SNTG1: variants seen among roughly 807,000 people sequenced by gnomAD.
SNTG1 encodes syntrophin gamma 1.
A neutral mutation model predicts 74.7 loss-of-function variants in SNTG1; 39 were observed. That is an observed-to-expected ratio of 0.52 (90% CI 0.40 to 0.68). The LOEUF (loss-of-function observed/expected upper bound fraction) is 0.68, where lower values mean the gene tolerates loss of function less well. Ranked by LOEUF, SNTG1 falls within the 30% of genes least tolerant of loss-of-function variation. The pLI, the probability that SNTG1 is intolerant of heterozygous loss-of-function variation, is 0.00. For missense variants in SNTG1, 685 were observed against 609.5 expected, an observed-to-expected ratio of 1.12 and a Z score of -1.30; for synonymous variants, 254 against 217.1, an observed-to-expected ratio of 1.17 and a Z score of -1.49.
chr8:50,040,561 G>C (rs1318346772), intron 1 of SNTG1, among the ~76,000 whole-genome samples: 1 of 152,094 alleles, frequency 6.6e-6, no homozygotes, highest in Non-Finnish European at 1.5e-5. Context: ...AAGTATTGCA[G>C]GTAAATTCAC....
At chr8:50,323,865 T>G (rs2090627392) in intron 2 of SNTG1, among the ~76,000 whole-genome samples, 1 of 152,048 alleles carries the variant, frequency 6.6e-6, no homozygotes, top group Non-Finnish European at 1.5e-5. Flanking sequence ...CTCAAAAACT[T>G]TAACAATTTA....
At chr8:49,918,080 T>C (rs1047670671) in intron 1 of SNTG1, among the ~76,000 whole-genome samples, 5 of 152,186 alleles carry the variant, frequency 3.3e-5, no homozygotes, top group African/African-American at 1.2e-4. Context: ...AACTGAGATA[T>C]TCAGTCAGAT....
At chr8:49,949,939 C>A (rs948438212) in intron 1 of SNTG1, among the ~76,000 whole-genome samples, 1 of 152,146 alleles carries the variant, frequency 6.6e-6, no homozygotes, top group Non-Finnish European at 1.5e-5. Context: ...CCAGCCTGGG[C>A]AACATGGTGA....
chr8:49,938,371 C>A lies in SNTG1; in HGVS notation c.-103+26140C>A, dbSNP rs72639805. ...CTAGAAGGTAGATAATAATTATAAT[C>A]CCCACTATTTTGTAGACAAAGGAGC... On this transcript the variant is annotated intron_variant, in intron 1 of 18. Transcript: ENST00000642720. Among the ~76,000 whole-genome samples, 1,518 of 152,096 alleles carry A rather than the reference C, an allele frequency of 1.0e-2. 11 individuals carry two copies. The highest frequency in any genetic ancestry group is 0.016 in the Non-Finnish European group (1,096 of 67,984).
At chr8:50,298,528 T>C (rs2089496011) in intron 2 of SNTG1, among the ~76,000 whole-genome samples, 2 of 152,196 alleles carry the variant, frequency 1.3e-5, no homozygotes, top group African/African-American at 4.8e-5. Context: ...TGGCATAAGA[T>C]AAGGATGAAG....
chr8:50,446,008 G>A (rs1174320909), intron 5 of SNTG1, among the ~76,000 whole-genome samples: 1 of 152,150 alleles, frequency 6.6e-6, no homozygotes, highest in Non-Finnish European at 1.5e-5. Context: ...AGCATAACTG[G>A]CCAGACAACA....
intron 18 of SNTG1, among the ~76,000 whole-genome samples, chr8:50,753,227 G>C (rs2095572042): frequency 6.6e-6 from 1 of 151,822 alleles, no homozygotes; most frequent in South Asian, 2.1e-4. Flanking sequence ...TCTCGCTACT[G>C]CTCCTCTTCT....
intron 5 of SNTG1, among the ~76,000 whole-genome samples, chr8:50,442,882 T>A (rs1480019452): frequency 6.6e-6 from 1 of 152,168 alleles, no homozygotes; most frequent in African/African-American, 2.4e-5. Flanking sequence ...GCTAGTGGCA[T>A]CCTGCACATG....
At chr8:50,223,363 C>G (rs1008182329) in intron 2 of SNTG1, among the ~76,000 whole-genome samples, 1 of 151,778 alleles carries the variant, frequency 6.6e-6, no homozygotes, top group African/African-American at 2.4e-5. Flanking sequence ...CAACTGATCT[C>G]CTAATAGAAA....
At chr8:50,554,048 C>G (rs190167244) in intron 12 of SNTG1, among the ~76,000 whole-genome samples, 2 of 152,240 alleles carry the variant, frequency 1.3e-5, no homozygotes, top group African/African-American at 4.8e-5. Context: ...AGCACGTGAA[C>G]ACACAAAATT....
chr8:50,596,886 T>A (rs2094731059), intron 13 of SNTG1, among the ~76,000 whole-genome samples: 1 of 152,028 alleles, frequency 6.6e-6, no homozygotes, highest in African/African-American at 2.4e-5. Context: ...GCCAAATCCA[T>A]CACTTTAAAC....
chr8:50,063,837 G>T (rs1456662774), intron 1 of SNTG1, among the ~76,000 whole-genome samples: 1 of 152,096 alleles, frequency 6.6e-6, no homozygotes, highest in Non-Finnish European at 1.5e-5. Flanking sequence ...TCAAAATGCT[G>T]AAAATATATG....
At position 50,210,958 on chromosome 8, in the gene SNTG1, T is replaced by C. The variant is rs2084492576; in HGVS notation, c.-28+38323T>C. 2.0e-5 allele frequency among the ~76,000 whole-genome samples: 3 copies of C among 152,312 alleles called. No individual in the cohort carries two copies. The South Asian group carries it at 6.2e-4, about 32-fold the overall frequency. ...CATGTATCTTTCTAGATATTATTTG[T>C]AGTGCAAAATACCCCTGCAATGAGT... On this transcript the variant is annotated intron_variant, in intron 2 of 18. Coordinates refer to ENST00000642720, the MANE Select transcript of SNTG1 (RefSeq NM_018967.5).
intron 10 of SNTG1, among the ~76,000 whole-genome samples, chr8:50,532,320 C>G (rs561951152): frequency 2.0e-5 from 3 of 152,274 alleles, no homozygotes; most frequent in Non-Finnish European, 2.9e-5. Flanking sequence ...TGAGAACTTA[C>G]TCTGTGGAAA....
At chr8:50,159,260 T>C in intron 1 of SNTG1, among the ~76,000 whole-genome samples, 1 of 152,210 alleles carries the variant, frequency 6.6e-6, no homozygotes, top group East Asian at 1.9e-4. Context: ...GTTACTAAAC[T>C]CTTTAGGTAT....
intron 8 of SNTG1, among the ~76,000 whole-genome samples, chr8:50,469,929 G>C (rs1018549772): frequency 1.3e-5 from 2 of 152,184 alleles, no homozygotes; most frequent in African/African-American, 4.8e-5. Context: ...AATGAGCCAA[G>C]ATGGTGCCAC....
chr8:50,128,462 A>C (rs1324592661), intron 1 of SNTG1, among the ~76,000 whole-genome samples: 1 of 152,170 alleles, frequency 6.6e-6, no homozygotes, highest in Non-Finnish European at 1.5e-5. Context: ...GCCCATAGCA[A>C]AGATGCTAAA....
intron 12 of SNTG1, 53 bp from the exon 13 acceptor site, chr8:50,590,826 T>C (rs2094686651): frequency 2.5e-6 from 3 of 1,220,994 alleles, no homozygotes; most frequent in Non-Finnish European, 3.5e-6. Flanking sequence ...TCTGGGGACC[T>C]TGTGTTACCA....
At chr8:50,729,393 T>G (rs2095507573) in intron 17 of SNTG1, among the ~76,000 whole-genome samples, 1 of 152,160 alleles carries the variant, frequency 6.6e-6, no homozygotes, top group African/African-American at 2.4e-5. Context: ...TGGAATCACT[T>G]TTCTCCAGAG....
Sources: gnomAD v4.1 joint callset for allele counts (sites outside exome capture counted in the v4.1 genomes callset) on GRCh38, gnomAD v4.1.1 for gene constraint, MANE v1.5 for transcripts, NCBI Gene and HGNC (gene_info 2026-07-23, HGNC 2026-07-21) for gene names.